NDST1: variants seen among roughly 807,000 people sequenced by gnomAD.
NDST1 encodes bifunctional heparan sulfate N-deacetylase/N-sulfotransferase 1.
NDST1 carries 35 observed loss-of-function variants against 92.8 expected under a neutral mutation model. That is an observed-to-expected ratio of 0.38 (90% confidence interval 0.29 to 0.50). NDST1 has a LOEUF of 0.50. Among genes scored for constraint, NDST1 ranks in the 20% least tolerant of loss-of-function variants. The probability of loss-of-function intolerance (pLI) is 0.94; values close to 1 mark genes in which losing one functional copy is unlikely to be tolerated. For synonymous variants in NDST1, 493 were observed against 500.3 expected (o/e 0.99, Z 0.19); for missense variants, 822 against 1,182.7 (o/e 0.69, Z 4.47).
intron 1 of NDST1, among the ~76,000 whole-genome samples, chr5:150,502,582 A>G (rs1753283432): frequency 6.6e-6 from 1 of 152,100 alleles, no homozygotes; most frequent in Admixed American, 6.5e-5. Context: ...CAGGAACAGC[A>G]ACAGGGGTTG....
intron 1 of NDST1, among the ~76,000 whole-genome samples, chr5:150,502,279 G>A (rs1230745450): frequency 9.9e-5 from 15 of 152,162 alleles, no homozygotes; most frequent in Non-Finnish European, 1.9e-4. Context: ...GACGGCGGGG[G>A]AGCAACCAGG....
intron 8 of NDST1, 25 bp from the exon 9 acceptor site, chr5:150,541,545 C>T (rs765207759): frequency 2.4e-5 from 39 of 1,611,280 alleles, no homozygotes; most frequent in Non-Finnish European, 3.1e-5. Context: ...GGGCGCCCCA[C>T]ACATCCCTTC....
intron 10 of NDST1, among the ~76,000 whole-genome samples, chr5:150,543,577 A>G (rs1200830791): frequency 6.6e-6 from 1 of 152,144 alleles, no homozygotes; most frequent in Non-Finnish European, 1.5e-5. Context: ...CTTTCTTTTT[A>G]AAAAATGTTT....
Position 150,557,433 on chromosome 5 carries a change from C to G in NDST1, c.*4101C>G, listed in dbSNP as rs764193027. On this transcript the variant is annotated 3_prime_UTR_variant, in exon 15 of 15. Coordinates refer to ENST00000261797, the MANE Select transcript of NDST1 (RefSeq NM_001543.5). This position sits in a 1 kb window ranked among gnomAD's most constrained non-coding sequence, Gnocchi z 4.7. ...GGCTCTCAGTTGCAGCAGGGAAAAG[C>G]CTACATGGGGAACTGCCTCCCGCAA... is the stretch of plus-strand genomic sequence containing the variant. 3 of 152,598 alleles carry G rather than the reference C, an allele frequency of 2.0e-5. No individual in the cohort carries two copies. The highest frequency in any genetic ancestry group is 2.4e-5 in the African/African-American group (1 of 41,454). 9.5% of individuals were successfully genotyped at this position (152,598 alleles called of 1,614,324 possible). A position where few individuals can be genotyped will look rare whatever the true frequency, so the allele number is the denominator to read the frequency against.
chr5:150,522,507 T>A (rs1754285612), intron 2 of NDST1, among the ~76,000 whole-genome samples: 1 of 152,154 alleles, frequency 6.6e-6, no homozygotes, highest in Non-Finnish European at 1.5e-5. Context: ...ACCTGCAAGA[T>A]GAAAGCAGAC....
intron 8 of NDST1, 45 bp downstream of exon 8, chr5:150,540,309 G>A (rs769003759): frequency 5.8e-6 from 9 of 1,553,102 alleles, no homozygotes; most frequent in Middle Eastern, 2.3e-4. Flanking sequence ...GGGATGGAAC[G>A]CCACCACTCA....
intron 13 of NDST1, 64 bp downstream of exon 13, chr5:150,549,851 CA>C: frequency 1.0e-6 from 1 of 962,122 alleles, no homozygotes; most frequent in Admixed American, 1.8e-5. Context: ...CCAACAAAGC[CA>C]AAGTCTTGAA....
chr5:150,537,113 G>T (rs1351133736), intron 6 of NDST1, among the ~76,000 whole-genome samples: 1 of 152,218 alleles, frequency 6.6e-6, no homozygotes, highest in Non-Finnish European at 1.5e-5. Flanking sequence ...TCCTATGCCT[G>T]TCTTTACTTT....
chr5:150,552,905 C>T (rs1445729943), intron 14 of NDST1, among the ~76,000 whole-genome samples: 4 of 152,062 alleles, frequency 2.6e-5, no homozygotes, highest in South Asian at 2.1e-4. Context: ...GGAGTGCAAT[C>T]GCGTGATCTT....
intron 3 of NDST1, among the ~76,000 whole-genome samples, chr5:150,531,250 T>C (rs888207136): frequency 3.9e-4 from 60 of 152,280 alleles, no homozygotes; most frequent in African/African-American, 1.3e-3. Context: ...CGTTGCTTCA[T>C]TGGGTCCTTA....
chr5:150,556,872 T>C lies in NDST1; in HGVS notation c.*3540T>C, dbSNP rs1055656879. On this transcript the variant is annotated 3_prime_UTR_variant, in exon 15 of 15. Coordinates refer to ENST00000261797, the MANE Select transcript of NDST1 (RefSeq NM_001543.5). ...GTGCACACATTGCATTTTCTAACTA[T>C]GTTTTTAAAACCTCTTTGAATGCTG... The C allele has an allele frequency of 6.5e-6, 1 of 152,694 alleles. No homozygotes were observed. The highest frequency in any genetic ancestry group is 2.4e-5 in the African/African-American group (1 of 41,462). 9.5% of individuals were successfully genotyped at this position (152,694 alleles called of 1,614,324 possible).
intron 1 of NDST1, among the ~76,000 whole-genome samples, 159 bp from the exon 2 acceptor site, chr5:150,520,709 G>T (rs1030210309): frequency 1.3e-5 from 2 of 152,206 alleles, no homozygotes; most frequent in African/African-American, 4.8e-5. Flanking sequence ...TAGGGAAACT[G>T]GGGCTCAGAG....
intron 1 of NDST1, among the ~76,000 whole-genome samples, chr5:150,502,434 ACAGAGAAGG>A (rs1169250694): frequency 8.5e-5 from 13 of 152,106 alleles, no homozygotes; most frequent in Admixed American, 8.5e-4. Flanking sequence ...ATTTACCAAG[ACAGAGAAGG>A]CTGTGGGACA....
At chr5:150,541,127 A>G (rs1264813837) in intron 8 of NDST1, among the ~76,000 whole-genome samples, 2 of 152,232 alleles carry the variant, frequency 1.3e-5, no homozygotes, top group African/African-American at 4.8e-5. Flanking sequence ...TTATTGGCAG[A>G]CAGCCACGCT....
intron 6 of NDST1, 27 bp downstream of exon 6, chr5:150,535,912 G>A (rs1339543545): frequency 6.2e-7 from 1 of 1,607,692 alleles, no homozygotes; most frequent in East Asian, 2.2e-5. Context: ...AAGCCCAGGA[G>A]GTGGGAGAAT....
Position 150,556,739 on chromosome 5 carries a change from C to A in NDST1, c.*3407C>A, listed in dbSNP as rs371061498. The A allele has an allele frequency of 6.6e-6, 1 of 152,364 alleles. No homozygotes were observed. Among genetic ancestry groups the A allele is most frequent in the African/African-American group, 2.4e-5 (1 of 41,426 alleles). The allele number at this position is 152,364 out of a possible 1,614,324, so 9.4% of individuals were successfully genotyped here. On this transcript the variant is annotated 3_prime_UTR_variant, in exon 15 of 15. Coordinates refer to ENST00000261797, the MANE Select transcript of NDST1 (RefSeq NM_001543.5). The stretch of plus-strand genomic sequence containing the variant: ...CATTGGCCCAGTATCACAGCCAAGA[C>A]GAGAAGTCATTTCCCAGCGATGTCT...
chr5:150,541,767 G>T lies in NDST1; in HGVS notation c.1846+101G>T. 1.4e-5 allele frequency: 15 copies of T among 1,082,436 alleles called. No homozygotes were observed. In the South Asian group the frequency reaches 2.0e-4, roughly 14 times the overall value. 67.1% of individuals were successfully genotyped at this position (1,082,436 alleles called of 1,614,324 possible). ...CCCTGGCCCCACTCCCGGATAATTTGCTCCCTCTTTCCCAGGAAGTAGGAA... is the reference window on the plus strand; with the variant it reads ...CCCTGGCCCCACTCCCGGATAATTTTCTCCCTCTTTCCCAGGAAGTAGGAA... On this transcript the variant is annotated intron_variant, in intron 9 of 14. Transcript: ENST00000261797.
At position 150,553,476 on chromosome 5, in the gene NDST1, G is replaced by C. The variant is rs748798537; in HGVS notation, c.*144G>C. On this transcript the variant is annotated 3_prime_UTR_variant, in exon 15 of 15. Coordinates refer to ENST00000261797, the MANE Select transcript of NDST1 (RefSeq NM_001543.5). The surrounding 1 kb of genome is among the most constrained non-coding windows in gnomAD (Gnocchi z 4.2). ...TCTGTGGAGGTCTGGTGGGGCTGGG[G>C]GAGCACCCAGGCGGATCTGCAAGCA... is the stretch of plus-strand genomic sequence containing the variant. 598 of 1,193,022 alleles carry C rather than the reference G, an allele frequency of 5.0e-4. No individual in the cohort carries two copies. The highest frequency in any genetic ancestry group is 3.5e-3 in the Middle Eastern group (13 of 3,666). The allele number at this position is 1,193,022 out of a possible 1,614,324, so 73.9% of individuals were successfully genotyped here. A position where few individuals can be genotyped will look rare whatever the true frequency, so the allele number is the denominator to read the frequency against.
chr5:150,520,549 A>C, intron 1 of NDST1, among the ~76,000 whole-genome samples: 1 of 152,194 alleles, frequency 6.6e-6, no homozygotes, highest in African/African-American at 2.4e-5. Flanking sequence ...CTAGTCTTGG[A>C]CTCTGATAAT....
Sources: gnomAD v4.1 joint callset for allele counts (sites outside exome capture counted in the v4.1 genomes callset) on GRCh38, gnomAD v4.1.1 for gene constraint, Gnocchi (gnomAD v3.1) non-coding constraint, MANE v1.5 for transcripts, NCBI Gene and HGNC (gene_info 2026-07-23, HGNC 2026-07-21) for gene names.